The following CACNB2 variants were observed in gnomAD, a reference collection of about 807,000 sequenced individuals.
CACNB2 encodes calcium voltage-gated channel auxiliary subunit beta 2, also known as voltage-dependent L-type calcium channel subunit beta-2.
A neutral mutation model predicts 73.3 loss-of-function variants in CACNB2; 42 were observed. That is an observed-to-expected ratio of 0.57 (90% CI 0.45 to 0.74). The LOEUF (loss-of-function observed/expected upper bound fraction) is 0.74, where lower values mean the gene tolerates loss of function less well. CACNB2 is among the 30% of genes least tolerant of loss of function. The pLI, the probability that CACNB2 is intolerant of heterozygous loss-of-function variation, is 0.00. For missense variants in CACNB2, 940 were observed against 853.0 expected (o/e 1.10, Z -1.27); for synonymous variants, 348 against 310.3 (o/e 1.12, Z -1.28).
intron 2 of CACNB2, among the ~76,000 whole-genome samples, chr10:18,372,073 G>C (rs554535993): frequency 6.6e-5 from 10 of 152,234 alleles, no homozygotes; most frequent in African/African-American, 2.4e-4. Flanking sequence ...TTGTAAATTT[G>C]TTTGAGTTCT....
At chr10:18,247,785 T>G (rs564706903) in intron 2 of CACNB2, among the ~76,000 whole-genome samples, 17 of 152,162 alleles carry the variant, frequency 1.1e-4, no homozygotes, top group South Asian at 6.2e-4. Context: ...GATCTTTTAC[T>G]CCATTACCTT....
rs1575834 is a variant in CACNB2, at chr10:18,426,104, C to T, written c.333+24061C>T. ...TTCTGTTCCATATAAATTTTAGATA[C>T]CATATATGAAGTCCAACAAAAAAAG... On this transcript the variant is annotated intron_variant, in intron 3 of 13. Coordinates refer to ENST00000324631, the MANE Select transcript of CACNB2 (RefSeq NM_201596.3). Among the ~76,000 whole-genome samples the T allele has an allele frequency of 7.5e-3, 1,146 of 152,170 alleles. 22 individuals carry two copies. The highest frequency in any genetic ancestry group is 0.027 in the African/African-American group (1,101 of 41,504).
chr10:18,284,812 A>T (rs1299292142), intron 2 of CACNB2, among the ~76,000 whole-genome samples: 1 of 152,186 alleles, frequency 6.6e-6, no homozygotes, highest in Non-Finnish European at 1.5e-5. Context: ...AAAAAAATAT[A>T]TAGAATGCAT....
At chr10:18,340,193 C>G (rs2132066032) in intron 2 of CACNB2, among the ~76,000 whole-genome samples, 1 of 152,162 alleles carries the variant, frequency 6.6e-6, no homozygotes, top group Non-Finnish European at 1.5e-5. Context: ...GTGTGTGTTG[C>G]AAGCATGCTC....
At chr10:18,523,330 A>T (rs911032020) in intron 9 of CACNB2, among the ~76,000 whole-genome samples, 1 of 152,232 alleles carries the variant, frequency 6.6e-6, no homozygotes, top group African/African-American at 2.4e-5. Flanking sequence ...AATTTCCTGG[A>T]TTACTACTTG....
intron 2 of CACNB2, among the ~76,000 whole-genome samples, chr10:18,349,308 G>C (rs142569898): frequency 6.6e-6 from 1 of 152,188 alleles, no homozygotes; most frequent in Admixed American, 6.5e-5. Flanking sequence ...GTTGAAAGTC[G>C]TTTGTTTAAA....
chr10:18,401,385 T>C (rs559916958), intron 2 of CACNB2, among the ~76,000 whole-genome samples: 2 of 152,238 alleles, frequency 1.3e-5, no homozygotes, highest in Admixed American at 6.5e-5. Context: ...TGAAGTTAGC[T>C]GCTAGTGTCT....
rs184214386 is a variant in CACNB2, at chr10:18,262,885, A to C, written c.213+111910A>C. Among the ~76,000 whole-genome samples, 733 of 152,342 alleles carry C rather than the reference A, an allele frequency of 4.8e-3. 6 individuals are homozygous for C. Among genetic ancestry groups the C allele is most frequent in the African/African-American group, 0.017 (697 of 41,568 alleles). Reference sequence around the variant, plus strand: ...TTACATTGAACATGTAAATAAATAGAAAGAAGAGACAACATAATCTGGATT... The same window carrying C: ...TTACATTGAACATGTAAATAAATAGCAAGAAGAGACAACATAATCTGGATT... On this transcript the variant is annotated intron_variant, in intron 2 of 13. Transcript: ENST00000324631.
chr10:18,345,708 A>G (rs532500137), intron 2 of CACNB2, among the ~76,000 whole-genome samples: 37 of 152,342 alleles, frequency 2.4e-4, no homozygotes, highest in South Asian at 1.7e-3. Flanking sequence ...TCTTAAATTT[A>G]TATTCTAATA....
In CACNB2 at chr10:18,140,429, G is replaced by C. The variant is rs997312197; in HGVS notation, c.-308G>C. 4.6e-5 allele frequency among the ~76,000 whole-genome samples: 7 copies of C among 151,802 alleles called. No individual in the cohort carries two copies. Among genetic ancestry groups the C allele is most frequent in the African/African-American group, 1.7e-4 (7 of 41,384 alleles). ...CGCCCGCGGCTCCGATCCCCGCCGC[G>C]CTGCGCCCGCTCTCCCGGCCCCGGC... is the stretch of plus-strand genomic sequence containing the variant. On this transcript the variant is annotated 5_prime_UTR_variant, in exon 1 of 14. Transcript: ENST00000324631.
chr10:18,459,959 C>T (rs1289979578), intron 3 of CACNB2, among the ~76,000 whole-genome samples: 3 of 152,168 alleles, frequency 2.0e-5, no homozygotes, highest in Non-Finnish European at 4.4e-5. Context: ...GATCGCACCA[C>T]TGCACTCCAG....
At chr10:18,502,420 G>T (rs1208485159) in intron 5 of CACNB2, among the ~76,000 whole-genome samples, 2 of 151,792 alleles carry the variant, frequency 1.3e-5, no homozygotes, top group Admixed American at 6.6e-5. Flanking sequence ...GCCACGTGCG[G>T]TGGCTCACAC....
chr10:18,372,476 G>A (rs967926095), intron 2 of CACNB2, among the ~76,000 whole-genome samples: 4 of 152,054 alleles, frequency 2.6e-5, no homozygotes, highest in Non-Finnish European at 4.4e-5. Context: ...GGAGTATCTC[G>A]GCTCACTGCA....
At chr10:18,274,593 A>G (rs1804042904) in intron 2 of CACNB2, among the ~76,000 whole-genome samples, 1 of 152,182 alleles carries the variant, frequency 6.6e-6, no homozygotes, top group South Asian at 2.1e-4. Context: ...ACATGTTTTA[A>G]AAGAGAAATC....
chr10:18,448,357 C>A (rs2046838388), intron 3 of CACNB2, among the ~76,000 whole-genome samples: 1 of 151,748 alleles, frequency 6.6e-6, no homozygotes, highest in Non-Finnish European at 1.5e-5. Context: ...ATAATATTAT[C>A]CAGCTACTCA....
intron 2 of CACNB2, 162 bp downstream of exon 2, chr10:18,151,137 A>G (rs1184929362): frequency 8.5e-6 from 5 of 586,008 alleles, no homozygotes; most frequent in Non-Finnish European, 1.5e-5. Context: ...AAATATTTTA[A>G]TCTTAAGTGA....
intron 2 of CACNB2, among the ~76,000 whole-genome samples, chr10:18,393,213 C>A (rs895018087): frequency 7.1e-6 from 1 of 140,250 alleles, no homozygotes; most frequent in Non-Finnish European, 1.6e-5. Context: ...AAAAAAAAAT[C>A]ATGTCATCTG....
At chr10:18,317,111 C>T (rs936787725) in intron 2 of CACNB2, among the ~76,000 whole-genome samples, 3 of 152,070 alleles carry the variant, frequency 2.0e-5, no homozygotes, top group Non-Finnish European at 2.9e-5. Context: ...ACACCACCCC[C>T]TGCCCCCCAC....
rs527980519 is a variant in CACNB2 at position 18,517,744 on chromosome 10, T to C, written c.805-592T>C. Among the ~76,000 whole-genome samples, 9 of 152,334 alleles carry C rather than the reference T, an allele frequency of 5.9e-5. No homozygotes were observed. In the East Asian group the frequency reaches 1.5e-3, roughly 26 times the overall value. On this transcript the variant is annotated intron_variant, in intron 7 of 13. Coordinates refer to ENST00000324631, the MANE Select transcript of CACNB2 (RefSeq NM_201596.3). ...TGATTACTGTTTACTAAAATAAGCATGCATGTTCATTTAAACTCTCACAAT... is the reference window on the plus strand; with the variant it reads ...TGATTACTGTTTACTAAAATAAGCACGCATGTTCATTTAAACTCTCACAAT...
Sources: allele counts gnomAD v4.1 joint callset (sites outside exome capture counted in the v4.1 genomes callset), GRCh38; gene constraint gnomAD v4.1.1; transcripts MANE v1.5; gene names NCBI Gene and HGNC (gene_info 2026-07-23, HGNC 2026-07-21).